HAUS7: variants seen among roughly 807,000 people sequenced by gnomAD.
HAUS7 encodes HAUS augmin like complex subunit 7.
In HAUS7, 3 loss-of-function variants were observed where a neutral mutation model predicts 28.4. The ratio of observed to expected loss-of-function variants is 0.11; its 90% CI spans 0.05 to 0.27. The LOEUF is 0.27. Among genes scored for constraint, HAUS7 ranks in the 10% least tolerant of loss-of-function variants. The pLI is 1.00. For synonymous variants in HAUS7, 165 were observed against 132.1 expected, an observed-to-expected ratio of 1.25 and a Z score of -1.71; for missense variants, 284 against 297.3, an observed-to-expected ratio of 0.96 and a Z score of 0.33.
At chrX:153,474,701 A>G (rs1416461600), upstream of HAUS7, among the ~76,000 whole-genome samples, 1 of 41,900 alleles carries the variant, frequency 2.4e-5, no homozygotes, top group African/African-American at 8.4e-5. Flanking sequence ...ACGCAACGGG[A>G]GAGGCGGGGG....
intron 1 of HAUS7, among the ~76,000 whole-genome samples, chrX:153,494,742 G>C (rs1160813390): frequency 3.8e-5 from 4 of 105,127 alleles, no homozygotes; most frequent in East Asian, 6.1e-4. Context: ...GCGGGGGAGG[G>C]GGGGGGAGGT....
At chrX:153,495,448 C>T (rs1330371279) in exon 1 of HAUS7, 1 of 112,436 alleles carries the variant, frequency 8.9e-6, no homozygotes, top group Non-Finnish European at 1.9e-5. Flanking sequence ...CACCCTAGAG[C>T]GTGGCTGGGT....
At position 153,456,501 on chromosome X, in the gene HAUS7, G is replaced by A; in HGVS notation, c.597C>T (p.Asp199=). The A allele has an allele frequency of 8.5e-7, 1 of 1,181,157 alleles. No homozygotes were observed. Among genetic ancestry groups the A allele is most frequent in the South Asian group, 1.9e-5 (1 of 53,309 alleles). ...MQPLLNKQSD[D]WQWASASAKS... The stretch of plus-strand genomic sequence containing the variant: ...CCTCCAGGAGCACGTACCACTGCCA[G>A]TCATCACTCTGCTTGTTGAGGAGGG... Residue 199 remains aspartate, a synonymous_variant, in exon 6 of 10, where the codon GAC becomes GAT. Transcript: ENST00000370211.
intron 1 of HAUS7, among the ~76,000 whole-genome samples, chrX:153,476,569 C>T (rs2089563773): frequency 8.9e-6 from 1 of 111,904 alleles, no homozygotes; most frequent in Admixed American, 9.4e-5. Context: ...CTAGAAGCGA[C>T]CTTGATCATG....
At chrX:153,465,118 A>C in intron 2 of HAUS7, 63 bp from the exon 3 acceptor site, 1 of 762,476 alleles carries the variant, frequency 1.3e-6, no homozygotes, top group Admixed American at 2.3e-5. Context: ...TGGGCCCTCT[A>C]TACGCGCTGG....
intron 2 of HAUS7, among the ~76,000 whole-genome samples, chrX:153,466,974 G>A (rs1556984362): frequency 8.9e-6 from 1 of 111,940 alleles, no homozygotes; most frequent in African/African-American, 3.2e-5. Context: ...TTGGATATGG[G>A]ACACTCAACC....
intron 9 of HAUS7, among the ~76,000 whole-genome samples, chrX:153,449,058 T>C (rs1291045504): frequency 8.9e-6 from 1 of 111,901 alleles, no homozygotes; most frequent in Non-Finnish European, 1.9e-5. Flanking sequence ...GCTGACCTTA[T>C]CTGCCATGAC....
At chrX:153,485,974 C>T (rs1556988438) in intron 1 of HAUS7, 5 of 979,764 alleles carry the variant, frequency 5.1e-6, no homozygotes, top group Non-Finnish European at 6.6e-6. Flanking sequence ...GCGTGTCCTT[C>T]CTGGGCCTGC....
chrX:153,482,767 G>A (rs936285848), intron 1 of HAUS7: 130 of 754,213 alleles, frequency 1.7e-4, no homozygotes, highest in Non-Finnish European at 1.9e-4. Context: ...CTGCGTGACA[G>A]GGACATCTCC....
In HAUS7 at chrX:153,456,412, G is replaced by A. The variant is rs782485300; in HGVS notation, c.606-48C>T. ...CTTGCAACTCACCGCTGCCAGGGGT[G>A]TCTGCAGTAACAGAACCAAGCAGCC... is the stretch of plus-strand genomic sequence containing the variant. On this transcript the variant is annotated intron_variant, in intron 6 of 9. Transcript: ENST00000370211. The A allele has an allele frequency of 4.2e-6, 5 of 1,179,059 alleles. No homozygotes were observed. The South Asian group carries it at 7.2e-5, about 17-fold the overall frequency.
intron 4 of HAUS7, among the ~76,000 whole-genome samples, chrX:153,457,660 G>C (rs1556982575): frequency 8.8e-6 from 1 of 113,137 alleles, no homozygotes; most frequent in East Asian, 2.8e-4. Context: ...ATGGGGCTGA[G>C]AGGTGGCCTG....
upstream of HAUS7, among the ~76,000 whole-genome samples, chrX:153,474,460 C>A (rs868987035): frequency 3.9e-4 from 44 of 112,320 alleles, no homozygotes; most frequent in Middle Eastern, 0.023. Flanking sequence ...CCCTGTCCCC[C>A]AGGCCACAGG....
chrX:153,488,841 G>A (rs1425553652), intron 1 of HAUS7, among the ~76,000 whole-genome samples: 3 of 113,194 alleles, frequency 2.7e-5, no homozygotes. Context: ...CGACAGATGA[G>A]GCAGGTGGGG....
At chrX:153,456,700 C>A in intron 5 of HAUS7, 49 bp from the exon 6 acceptor site, 1 of 1,019,462 alleles carries the variant, frequency 9.8e-7, no homozygotes, top group Non-Finnish European at 1.3e-6. Flanking sequence ...AGAGCACTCG[C>A]CCAGCAGGCC....
At chrX:153,468,118 G>T (rs1439550991) in intron 2 of HAUS7, among the ~76,000 whole-genome samples, 7 of 112,432 alleles carry the variant, frequency 6.2e-5, no homozygotes, top group African/African-American at 2.3e-4. Context: ...CTCTGGAACA[G>T]CAAGGGCTCA....
In HAUS7 at chrX:153,457,244, C is replaced by G; in HGVS notation, c.355-16G>C. ...AGGCACAGCCCTGGGCAAGGAAGACCACAGACATTCACTGGCTCCATCTAA... is the reference window on the plus strand; with the variant it reads ...AGGCACAGCCCTGGGCAAGGAAGACGACAGACATTCACTGGCTCCATCTAA... On this transcript the variant is annotated splice_polypyrimidine_tract_variant and intron_variant, in intron 4 of 9. Coordinates refer to ENST00000370211, the MANE Select transcript of HAUS7 (RefSeq NM_001385482.1). 1 of 1,075,214 alleles carries G rather than the reference C, an allele frequency of 9.3e-7. No individual in the cohort carries two copies. The highest frequency in any genetic ancestry group is 3.0e-5 in the East Asian group (1 of 33,236). 88.6% of individuals were successfully genotyped at this position (1,075,214 alleles called of 1,213,427 possible).
At chrX:153,493,765 G>A (rs2089686903) in intron 1 of HAUS7, among the ~76,000 whole-genome samples, 1 of 111,039 alleles carries the variant, frequency 9.0e-6, no homozygotes, top group Admixed American at 9.5e-5. Flanking sequence ...CCCAGGTAGA[G>A]CTCCCCTGGG....
chrX:153,461,923 A>T, intron 4 of HAUS7: 1 of 380,864 alleles, frequency 2.6e-6, no homozygotes. Flanking sequence ...GTGTTCAACC[A>T]GCCAGTGTAC....
chrX:153,477,936 C>T (rs1375221498), intron 1 of HAUS7, among the ~76,000 whole-genome samples: 1 of 112,374 alleles, frequency 8.9e-6, no homozygotes, highest in African/African-American at 3.2e-5. Flanking sequence ...CCCACCTTGA[C>T]CAGCCCTGCA....
Sources: allele counts gnomAD v4.1 joint callset (sites outside exome capture counted in the v4.1 genomes callset), GRCh38; gene constraint gnomAD v4.1.1; transcripts MANE v1.5; gene names NCBI Gene and HGNC (gene_info 2026-07-23, HGNC 2026-07-21).